ZHX3: variants seen among roughly 807,000 people sequenced by gnomAD.
The protein encoded by ZHX3 is zinc fingers and homeoboxes 3, also known as zinc fingers and homeoboxes protein 3.
Under a neutral mutation model 64.5 loss-of-function variants are expected in ZHX3, and 20 were observed. The ratio of observed to expected loss-of-function variants is 0.31; its 90% CI spans 0.22 to 0.45. ZHX3 has a LOEUF of 0.45. ZHX3 is among the 20% of genes least tolerant of loss of function. The pLI is 1.00. For synonymous variants in ZHX3, 423 were observed against 461.6 expected, an observed-to-expected ratio of 0.92 and a Z score of 1.07; for missense variants, 1,041 against 1,195.8, an observed-to-expected ratio of 0.87 and a Z score of 1.91.
Position 41,275,038 on chromosome 20 carries a change from A to T in ZHX3, c.-244-5955T>A, listed in dbSNP as rs559605866. On this transcript the variant is annotated intron_variant, in intron 1 of 3. Coordinates refer to ENST00000683867, the MANE Select transcript of ZHX3 (RefSeq NM_001384317.1). Reference sequence around the variant, plus strand: ...TGGGCGTGGAGGCGGGCACCTGTTAATTCCAGCTACTTGGGAGGCTGAGGC... The same window carrying T: ...TGGGCGTGGAGGCGGGCACCTGTTATTTCCAGCTACTTGGGAGGCTGAGGC... Among the ~76,000 whole-genome samples, 18 of 152,200 alleles carry T rather than the reference A, an allele frequency of 1.2e-4. No individual in the cohort carries two copies. In the East Asian group the frequency reaches 3.5e-3, roughly 29 times the overall value.
chr20:41,249,898 G>A, intron 2 of ZHX3, among the ~76,000 whole-genome samples: 1 of 152,182 alleles, frequency 6.6e-6, no homozygotes, highest in East Asian at 1.9e-4. Context: ...AATAGAAGAA[G>A]GTGGCCGAGG....
In ZHX3 at chr20:41,191,702, C is replaced by T. The variant is rs1253463913; in HGVS notation, c.2861-6501G>A. 3.3e-5 allele frequency among the ~76,000 whole-genome samples: 5 copies of T among 152,170 alleles called. No homozygotes were observed. In the East Asian group the frequency reaches 5.8e-4, roughly 18 times the overall value. On this transcript the variant is annotated intron_variant, in intron 3 of 3. Transcript: ENST00000683867. The stretch of plus-strand genomic sequence containing the variant: ...TATCTATGGTGTTGTTTGGGTAGGA[C>T]ACTTTGGCTTTGATTCTTGGTATGT...
chr20:41,305,491 C>T (rs1428426370), intron 1 of ZHX3, among the ~76,000 whole-genome samples: 2 of 151,960 alleles, frequency 1.3e-5, no homozygotes, highest in East Asian at 3.9e-4. Context: ...GGCCCTGTCT[C>T]AAAAACCAAC....
chr20:41,222,475 T>G (rs1426852082), intron 2 of ZHX3, among the ~76,000 whole-genome samples: 4 of 152,150 alleles, frequency 2.6e-5, no homozygotes, highest in Non-Finnish European at 4.4e-5. Context: ...TGGGTCAGAC[T>G]GCTAATGAGC....
intron 2 of ZHX3, among the ~76,000 whole-genome samples, chr20:41,238,379 G>C (rs1351576052): frequency 6.6e-6 from 1 of 151,996 alleles, no homozygotes; most frequent in Non-Finnish European, 1.5e-5. Flanking sequence ...CAGAGACTAA[G>C]AGGGAAAAAA....
intron 2 of ZHX3, among the ~76,000 whole-genome samples, chr20:41,258,806 G>A (rs1388260526): frequency 2.0e-5 from 3 of 152,068 alleles, no homozygotes; most frequent in African/African-American, 7.2e-5. Flanking sequence ...AACACGTTGA[G>A]GTAGTTTGAG....
intron 1 of ZHX3, among the ~76,000 whole-genome samples, chr20:41,301,110 T>C (rs886838721): frequency 6.6e-6 from 1 of 152,176 alleles, no homozygotes; most frequent in African/African-American, 2.4e-5. Context: ...ATAAGGCTAC[T>C]CGCAGGAAGC....
chr20:41,241,889 T>A (rs1304696827), intron 2 of ZHX3, among the ~76,000 whole-genome samples: 2 of 152,228 alleles, frequency 1.3e-5, no homozygotes, highest in African/African-American at 4.8e-5. Flanking sequence ...ATTAGACCCC[T>A]TATGTATCAT....
chr20:41,279,415 AT>A lies in ZHX3; in HGVS notation c.-244-10333del, dbSNP rs748774011. ...AACAGTATCTTACAACTTTAAATGC[AT>A]TTTTTTTTTAACTAACAGAATGAAG... On this transcript the variant is annotated intron_variant, in intron 1 of 3. Transcript: ENST00000683867. 2.0e-3 allele frequency among the ~76,000 whole-genome samples: 306 copies of A among 149,504 alleles called. 3 individuals carry two copies. Among genetic ancestry groups the A allele is most frequent in the Non-Finnish European group, 2.7e-3 (180 of 67,214 alleles).
At position 41,277,892 on chromosome 20, in the gene ZHX3, C is replaced by A. The variant is rs2043471857; in HGVS notation, c.-244-8809G>T. On this transcript the variant is annotated intron_variant, in intron 1 of 3. Transcript: ENST00000683867. ...AGGCGTGAGCCACCACGCCCGGCCC[C>A]CTCCATGTCAAATATTTTAAGCATG... Among the ~76,000 whole-genome samples, 2 of 138,918 alleles carry A rather than the reference C, an allele frequency of 1.4e-5. 1 individual carries two copies. Among genetic ancestry groups the A allele is most frequent in the South Asian group, 5.0e-4 (2 of 3,964 alleles). 91.1% of individuals were successfully genotyped at this position (138,918 alleles called of 152,430 possible). A position where few individuals can be genotyped will look rare whatever the true frequency, so the allele number is the denominator to read the frequency against.
At chr20:41,310,897 C>G (rs2146838990) in intron 1 of ZHX3, among the ~76,000 whole-genome samples, 1 of 150,898 alleles carries the variant, frequency 6.6e-6, no homozygotes, top group East Asian at 1.9e-4. Context: ...CAACCTCCCC[C>G]TCCCAGGTTC....
chr20:41,267,908 C>A (rs1230787133), intron 2 of ZHX3, among the ~76,000 whole-genome samples: 4 of 152,178 alleles, frequency 2.6e-5, no homozygotes, highest in Non-Finnish European at 5.9e-5. Flanking sequence ...AGAAACTTGT[C>A]TTATGACATT....
rs1173697090 is a variant in ZHX3, at chr20:41,203,129, G to A, written c.1788C>T (p.Thr596=). The change falls in exon 3 of 4, where the codon ACC becomes ACT. Residue 596 remains threonine, a synonymous_variant. Transcript: ENST00000683867. The surrounding 1 kb of genome is among the most constrained non-coding windows in gnomAD (Gnocchi z 7.1). ...TCIPTTATLA[T]HPSAKRQSWH... is the part of the protein sequence containing the mutation. ...AAGATTGTCGTTTGGCAGAAGGGTG[G>A]GTTGCTAGTGTGGCTGTTGTCGGAA... 7 of 1,614,084 alleles carry A rather than the reference G, an allele frequency of 4.3e-6. No individual in the cohort carries two copies. The highest frequency in any genetic ancestry group is 5.1e-6 in the Non-Finnish European group (6 of 1,180,020).
intron 1 of ZHX3, among the ~76,000 whole-genome samples, chr20:41,305,912 T>A (rs2044965624): frequency 6.6e-6 from 1 of 152,188 alleles, no homozygotes; most frequent in Non-Finnish European, 1.5e-5. Context: ...CAAAGAATAC[T>A]TTTTATTATA....
At chr20:41,293,955 TC>T (rs913228611) in intron 1 of ZHX3, among the ~76,000 whole-genome samples, 6 of 152,166 alleles carry the variant, frequency 3.9e-5, no homozygotes, top group Non-Finnish European at 8.8e-5. Flanking sequence ...TGCCTGTTTT[TC>T]CAGAAAGCAC....
intron 3 of ZHX3, among the ~76,000 whole-genome samples, chr20:41,193,425 T>C (rs968717674): frequency 1.3e-5 from 2 of 152,194 alleles, no homozygotes; most frequent in Non-Finnish European, 2.9e-5. Flanking sequence ...TTGTAAATGA[T>C]ACCATTTTTA....
Position 41,199,716 on chromosome 20 carries a change from T to A in ZHX3, c.2860+2341A>T, listed in dbSNP as rs563408846. Reference sequence around the variant, plus strand: ...ATCAAAAAACTCTTTTTTTTTTTTTTTTGCAATGGAGCCTCACTCTGTTGC... The same window carrying A: ...ATCAAAAAACTCTTTTTTTTTTTTTATTGCAATGGAGCCTCACTCTGTTGC... On this transcript the variant is annotated intron_variant, in intron 3 of 3. Coordinates refer to ENST00000683867, the MANE Select transcript of ZHX3 (RefSeq NM_001384317.1). Among the ~76,000 whole-genome samples, 7 of 151,934 alleles carry A rather than the reference T, an allele frequency of 4.6e-5. No individual in the cohort carries two copies. The East Asian group carries it at 1.2e-3, about 25-fold the overall frequency.
At chr20:41,248,692 TATAAA>T (rs952211526) in intron 2 of ZHX3, among the ~76,000 whole-genome samples, 6 of 152,232 alleles carry the variant, frequency 3.9e-5, no homozygotes, top group African/African-American at 1.4e-4. Flanking sequence ...CTCATTCTTT[TATAAA>T]GCTCCCTCCT....
chr20:41,280,220 C>T (rs1212375947), intron 1 of ZHX3, among the ~76,000 whole-genome samples: 1 of 152,142 alleles, frequency 6.6e-6, no homozygotes, highest in African/African-American at 2.4e-5. Context: ...TGAGAGAACC[C>T]ACTACAGTTA....
Sources: allele counts gnomAD v4.1 joint callset (sites outside exome capture counted in the v4.1 genomes callset), GRCh38; gene constraint gnomAD v4.1.1; non-coding constraint Gnocchi (gnomAD v3.1); transcripts MANE v1.5; gene names NCBI Gene and HGNC (gene_info 2026-07-23, HGNC 2026-07-21).